HAUS1: variants seen among roughly 807,000 people sequenced by gnomAD.
HAUS1 encodes the protein HAUS augmin like complex subunit 1.
A neutral mutation model predicts 38.6 loss-of-function variants in HAUS1; 25 were observed. That is an observed-to-expected ratio of 0.65 (90% confidence interval 0.47 to 0.91). HAUS1 has a LOEUF of 0.91. Ranked by LOEUF, HAUS1 falls within the 40% of genes least tolerant of loss-of-function variation. The probability of loss-of-function intolerance (pLI) is 0.00; values close to 1 mark genes in which losing one functional copy is unlikely to be tolerated. For synonymous variants in HAUS1, 109 were observed against 112.9 expected (o/e 0.97, Z 0.22); for missense variants, 325 against 328.4 (o/e 0.99, Z 0.08).
chr18:46,112,986 A>ATATTCCATATATATATGGAAT (rs71160716), intron 2 of HAUS1, among the ~76,000 whole-genome samples: 1 of 84,402 alleles, frequency 1.2e-5, no homozygotes, highest in Non-Finnish European at 2.2e-5. Flanking sequence ...TTATATATAT[A>ATATTCCATATATATATGGAAT]ATATATATTC....
At chr18:46,125,716 C>T in intron 7 of HAUS1, 28 bp from the exon 8 acceptor site, 5 of 1,535,546 alleles carry the variant, frequency 3.3e-6, no homozygotes, top group Non-Finnish European at 4.5e-6. Context: ...GGCAATATAA[C>T]CTTTCCTTGT....
At chr18:46,117,753 G>T (rs1051551401) in intron 2 of HAUS1, among the ~76,000 whole-genome samples, 1 of 152,084 alleles carries the variant, frequency 6.6e-6, no homozygotes, top group Non-Finnish European at 1.5e-5. Flanking sequence ...GACCAGCCTG[G>T]CCAACATGGT....
chr18:46,125,859 T>G (rs1048499378), intron 8 of HAUS1, 68 bp downstream of exon 8: 4 of 917,626 alleles, frequency 4.4e-6, no homozygotes, highest in Non-Finnish European at 6.9e-6. Flanking sequence ...AGCTAAAGTC[T>G]TCTTCATCCT....
Position 46,105,210 on chromosome 18 carries a change from A to G in HAUS1, c.47A>G (p.Lys16Arg). 3 of 1,610,100 alleles carry G rather than the reference A, an allele frequency of 1.9e-6. No homozygotes were observed. Among genetic ancestry groups the G allele is most frequent in the Non-Finnish European group, 2.5e-6 (3 of 1,178,646 alleles). Residue 16 changes from lysine to arginine, a missense_variant, in exon 2 of 9, where the codon AAA becomes AGA. Transcript: ENST00000282058. ...ERETQVAAWL[K>R]KIFGDHPIPQ... Reference sequence around the variant, plus strand: ...AATGGTTAGGTTGCTGCGTGGTTAAAAAAAATATTTGGAGATCATCCTATT... The same window carrying G: ...AATGGTTAGGTTGCTGCGTGGTTAAGAAAAATATTTGGAGATCATCCTATT...
intron 2 of HAUS1, 43 bp from the exon 3 acceptor site, chr18:46,118,138 T>A: frequency 6.2e-7 from 1 of 1,604,476 alleles, no homozygotes; most frequent in South Asian, 1.1e-5. Context: ...TAAAAATTTT[T>A]AAAAAAGCAA....
chr18:46,105,206 T>G lies in HAUS1; in HGVS notation c.43T>G (p.Leu15Val), dbSNP rs748626832. Residue 15 changes from leucine (L) to valine (V), a missense_variant, in exon 2 of 9, where the codon TTA becomes GTA. By Grantham distance (32) the Leu-to-Val change is conservative (BLOSUM62 1). Transcript: ENST00000282058. ...EERETQVAAWLKKIFGDHPIP... is the reference protein window; with the variant it reads ...EERETQVAAWVKKIFGDHPIP... ...TTTTAATGGTTAGGTTGCTGCGTGG[T>G]TAAAAAAAATATTTGGAGATCATCC... 3.1e-6 allele frequency: 5 copies of G among 1,609,316 alleles called. No homozygotes were observed. The highest frequency in any genetic ancestry group is 3.4e-5 in the Admixed American group (2 of 59,612).
rs1568260690 is a variant in HAUS1, at chr18:46,105,286, A to G, written c.123A>G (p.Ser41=). The change falls in exon 2 of 9, where the codon TCA becomes TCG. Residue 41 remains serine (S), a synonymous_variant. Coordinates refer to ENST00000282058, the MANE Select transcript of HAUS1 (RefSeq NM_138443.4). ...CCACAGAGATTTTACATCACCTTTCAGAACGCAACAGGGTCCGGGACAGGG... is the reference window on the plus strand; with the variant it reads ...CCACAGAGATTTTACATCACCTTTCGGAACGCAACAGGGTCCGGGACAGGG... ...PRTTEILHHL[S]ERNRVRDRDV... 6.2e-7 allele frequency: 1 copy of G among 1,613,808 alleles called. No individual in the cohort carries two copies. The highest frequency in any genetic ancestry group is 1.7e-5 in the Admixed American group (1 of 59,974).
rs937154922 is a variant in HAUS1, at chr18:46,104,438, G to C, written c.27G>C (p.Thr9=). Residue 9 remains threonine, a synonymous_variant, in exon 1 of 9, where the codon ACG becomes ACC. Transcript: ENST00000282058. ...TGGAGCCGCAGGAGGAGAGAGAAAC[G>C]CAGGTGATGGGGCGGGAATGGGGAT... The part of the protein sequence containing the change: MEPQEERE[T]QVAAWLKKIF... The C allele has an allele frequency of 4.1e-6, 6 of 1,465,740 alleles. No homozygotes were observed. The highest frequency in any genetic ancestry group is 5.5e-6 in the Non-Finnish European group (6 of 1,098,652). 90.8% of individuals were successfully genotyped at this position (1,465,740 alleles called of 1,614,324 possible).
At chr18:46,115,095 G>A (rs1911765052) in intron 2 of HAUS1, 1 of 152,040 alleles carries the variant, frequency 6.6e-6, no homozygotes, top group South Asian at 2.1e-4. Context: ...TCAACAAAAG[G>A]GACAACTGGA....
chr18:46,117,900 C>T (rs1437201421), intron 2 of HAUS1, among the ~76,000 whole-genome samples: 2 of 151,866 alleles, frequency 1.3e-5, no homozygotes, highest in Non-Finnish European at 2.9e-5. Flanking sequence ...GAGCTGAGAT[C>T]GTGCCACTGC....
chr18:46,118,106 A>G (rs1039659183), intron 2 of HAUS1, 75 bp from the exon 3 acceptor site: 7 of 1,438,358 alleles, frequency 4.9e-6, no homozygotes, highest in Non-Finnish European at 5.8e-6. Context: ...ATGCTATGTG[A>G]ATTATGTCTT....
At chr18:46,127,161 G>A (rs1448786100) in intron 8 of HAUS1, among the ~76,000 whole-genome samples, 2 of 151,590 alleles carry the variant, frequency 1.3e-5, no homozygotes, top group Non-Finnish European at 1.5e-5. Context: ...TAGTAGAGAC[G>A]GGGTTTCACC....
chr18:46,120,588 A>AT (rs1568265826), intron 4 of HAUS1, among the ~76,000 whole-genome samples: 2 of 149,192 alleles, frequency 1.3e-5, no homozygotes, highest in Middle Eastern at 3.5e-3. Flanking sequence ...TTCTTACCTT[A>AT]TTTTTTTTTC....
rs774943778 is a variant in HAUS1, at chr18:46,119,982, G to A, written c.398G>A (p.Ser133Asn). 3.7e-6 allele frequency: 6 copies of A among 1,609,246 alleles called. No homozygotes were observed. The highest frequency in any genetic ancestry group is 5.1e-6 in the Non-Finnish European group (6 of 1,177,896). Residue 133 changes from serine to asparagine, a missense_variant, in exon 4 of 9, where the codon AGT (serine) becomes AAT (asparagine). By Grantham distance (46) the Ser-to-Asn change is conservative. Coordinates refer to ENST00000282058, the MANE Select transcript of HAUS1 (RefSeq NM_138443.4). ...GATCTCTTTCGTACCAAATCCAAAA[G>A]TGAAGAAATCAAGATTGAACTGGAA... ...TSDLFRTKSKSEEIKIELEKL... is the reference protein window; with the variant it reads ...TSDLFRTKSKNEEIKIELEKL...
chr18:46,124,754 G>T, intron 6 of HAUS1, 68 bp from the exon 7 acceptor site: 1 of 797,872 alleles, frequency 1.3e-6, no homozygotes, highest in East Asian at 2.5e-5. Context: ...TTTTATTTCA[G>T]AAATGGACAG....
At chr18:46,110,683 A>G (rs1911607747) in intron 2 of HAUS1, among the ~76,000 whole-genome samples, 1 of 151,856 alleles carries the variant, frequency 6.6e-6, no homozygotes, top group Non-Finnish European at 1.5e-5. Context: ...TATTTTGCCT[A>G]GGCTGTGCCT....
In HAUS1 at chr18:46,128,228, T is replaced by A; in HGVS notation, c.*103T>A. 1 of 587,936 alleles carries A rather than the reference T, an allele frequency of 1.7e-6. No individual in the cohort carries two copies. Among genetic ancestry groups the A allele is most frequent in the Non-Finnish European group, 2.9e-6 (1 of 343,220 alleles). The allele number at this position is 587,936 out of a possible 1,614,324, so 36.4% of individuals were successfully genotyped here. On this transcript the variant is annotated 3_prime_UTR_variant, in exon 9 of 9. Coordinates refer to ENST00000282058, the MANE Select transcript of HAUS1 (RefSeq NM_138443.4). ...TTTCCTAATAACAAAACTTTCTGTG[T>A]TCTTAGATTACAGAATATCATAATT...
intron 3 of HAUS1, chr18:46,118,561 G>A: frequency 2.3e-6 from 1 of 434,114 alleles, no homozygotes; most frequent in Non-Finnish European, 4.2e-6. Flanking sequence ...TTTGGAAAGG[G>A]GTTAGTATCA....
At chr18:46,109,986 A>G (rs1279363907) in intron 2 of HAUS1, among the ~76,000 whole-genome samples, 1 of 151,932 alleles carries the variant, frequency 6.6e-6, no homozygotes, top group Non-Finnish European at 1.5e-5. Context: ...TGTCTTTATA[A>G]TTCCATAGTT....
Sources: allele counts gnomAD v4.1 joint callset (sites outside exome capture counted in the v4.1 genomes callset), GRCh38; gene constraint gnomAD v4.1.1; transcripts MANE v1.5; gene names NCBI Gene and HGNC (gene_info 2026-07-23, HGNC 2026-07-21).